Variants in EVL observed in about 807,000 individuals in gnomAD.
EVL encodes the protein Enah/Vasp-like, also known as ena/VASP-like protein.
EVL carries 21 observed loss-of-function variants against 59.6 expected under a neutral mutation model. That is an observed-to-expected ratio of 0.35 (90% CI 0.25 to 0.51). EVL has a LOEUF of 0.51. EVL is among the 20% of genes least tolerant of loss of function. The pLI, the probability that EVL is intolerant of heterozygous loss-of-function variation, is 0.97. For missense variants in EVL, 462 were observed against 546.6 expected, an observed-to-expected ratio of 0.85 and a Z score of 1.54; for synonymous variants, 198 against 203.5, an observed-to-expected ratio of 0.97 and a Z score of 0.23.
intron 3 of EVL, among the ~76,000 whole-genome samples, chr14:100,102,982 G>T (rs949915017): frequency 1.3e-5 from 2 of 151,628 alleles, no homozygotes; most frequent in African/African-American, 4.8e-5. Context: ...TGCACCTCTA[G>T]TCCCAGCTAC....
intron 1 of EVL, among the ~76,000 whole-genome samples, chr14:100,047,829 C>T (rs992906312): frequency 2.0e-5 from 3 of 152,088 alleles, no homozygotes; most frequent in African/African-American, 7.2e-5. Flanking sequence ...ACAAAAATGC[C>T]AAGTGATGTT....
intron 1 of EVL, among the ~76,000 whole-genome samples, chr14:100,032,263 A>T (rs1280285253): frequency 1.3e-5 from 2 of 152,128 alleles, no homozygotes; most frequent in Non-Finnish European, 2.9e-5. Context: ...TTTATTCTCC[A>T]CCTTTTTGGG....
chr14:100,135,695 C>A, intron 8 of EVL: 1 of 541,808 alleles, frequency 1.8e-6, no homozygotes, highest in South Asian at 2.1e-5. Context: ...CTGTAGCCTT[C>A]CCCTTCCCCA....
chr14:100,000,109 A>G (rs1178661095), intron 1 of EVL, among the ~76,000 whole-genome samples: 1 of 152,202 alleles, frequency 6.6e-6, no homozygotes, highest in Non-Finnish European at 1.5e-5. Flanking sequence ...TAATTTAGAA[A>G]GTTTGTTTTG....
Position 100,141,793 on chromosome 14 carries a change from G to T in EVL, c.1219G>T (p.Ala407Ser). ...CAAGGTGAAGGAGGAGATCATCGAC[G>T]GTGAGTGCAGCCCCACCGGGGAGGG... ...LHKVKEEIID[A>S]IRQELSGIST... is the part of the protein sequence containing the mutation. The change falls in exon 13 of 14, where the codon GCC becomes TCC. Residue 407 changes from alanine to serine, a missense_variant and splice_region_variant. Transcript: ENST00000392920. 6.2e-7 allele frequency: 1 copy of T among 1,612,946 alleles called. No individual in the cohort carries two copies. Among genetic ancestry groups the T allele is most frequent in the African/African-American group, 1.3e-5 (1 of 75,070 alleles).
In EVL at chr14:100,043,405, G is replaced by A. The variant is rs370517684; in HGVS notation, c.6-41282G>A. On this transcript the variant is annotated intron_variant, in intron 1 of 13. Coordinates refer to the EVL transcript ENST00000402714. Reference sequence around the variant, plus strand: ...AAGTCCTACGATAGACCGTCTGCACGCTGGAGACCCAGGGAAGCAAGTATT... The same window carrying A: ...AAGTCCTACGATAGACCGTCTGCACACTGGAGACCCAGGGAAGCAAGTATT... 1.6e-4 allele frequency among the ~76,000 whole-genome samples: 24 copies of A among 149,764 alleles called. No individual in the cohort carries two copies. The East Asian group carries it at 2.0e-3, about 12-fold the overall frequency.
chr14:100,101,591 C>T (rs998805916), intron 3 of EVL, among the ~76,000 whole-genome samples: 16 of 152,022 alleles, frequency 1.1e-4, no homozygotes, highest in Non-Finnish European at 1.6e-4. Flanking sequence ...TGCAGTAAGC[C>T]GAGATTGTAC....
At chr14:100,141,030 C>T in intron 11 of EVL, 150 bp from the exon 12 acceptor site, 1 of 635,306 alleles carries the variant, frequency 1.6e-6, no homozygotes, top group Non-Finnish European at 2.7e-6. Context: ...AAATCCTTCT[C>T]AGGCAGTCTG....
At chr14:99,984,540 A>G (rs1050361172) in intron 1 of EVL, among the ~76,000 whole-genome samples, 5 of 152,204 alleles carry the variant, frequency 3.3e-5, no homozygotes, top group African/African-American at 9.7e-5. Context: ...GAGAGTTCCT[A>G]TACACCTCCT....
At chr14:100,049,263 CAT>C (rs1191165071) in intron 1 of EVL, among the ~76,000 whole-genome samples, 1 of 152,108 alleles carries the variant, frequency 6.6e-6, no homozygotes, top group African/African-American at 2.4e-5. Context: ...GGTTTGGAAA[CAT>C]ATAGCTTGGG....
chr14:99,979,775 AGGAGAAT>A (rs2060794796), intron 1 of EVL, among the ~76,000 whole-genome samples: 1 of 152,208 alleles, frequency 6.6e-6, no homozygotes, highest in Non-Finnish European at 1.5e-5. Flanking sequence ...AGGCTGAGGC[AGGAGAAT>A]GGTGCGAACC....
At chr14:100,018,007 T>C (rs937762377) in intron 1 of EVL, among the ~76,000 whole-genome samples, 3 of 152,258 alleles carry the variant, frequency 2.0e-5, no homozygotes, top group Non-Finnish European at 4.4e-5. Flanking sequence ...TTCTCCCTGA[T>C]AAAAGCTGAG....
rs561988840 is a variant in EVL, at chr14:100,035,272, T to G, written c.6-49415T>G. Among the ~76,000 whole-genome samples the G allele has an allele frequency of 4.2e-5, 5 of 119,810 alleles. No homozygotes were observed. The East Asian group carries it at 8.1e-4, about 19-fold the overall frequency. 78.6% of individuals were successfully genotyped at this position (119,810 alleles called of 152,430 possible). On this transcript the variant is annotated intron_variant, in intron 1 of 13. Transcript: ENST00000402714. ...GACTGTTAAGGCAGTTTATTATGTG[T>G]TTTTTTTGGCAACAACAAATGTTTT...
Position 100,128,586 on chromosome 14 carries a change from A to AC in EVL, c.557dup (p.Pro187AlafsTer111). On this transcript the variant is annotated frameshift_variant, in exon 6 of 14. Transcript: ENST00000392920. LOFTEE classifies it high-confidence loss of function. ...CCCCCGTCTCATGTAGTGGGCCTCC[A>AC]CCGCCCCCCCCACCCCCAGTCCCAC... 15 of 1,040,968 alleles carry AC rather than the reference A, an allele frequency of 1.4e-5. No individual in the cohort carries two copies. Among genetic ancestry groups the AC allele is most frequent in the Non-Finnish European group, 1.9e-5 (14 of 726,426 alleles). 64.5% of individuals were successfully genotyped at this position (1,040,968 alleles called of 1,614,324 possible). A position where few individuals can be genotyped will look rare whatever the true frequency, so the allele number is the denominator to read the frequency against.
Position 100,114,683 on chromosome 14 carries a change from C to T in EVL, c.359-8856C>T, listed in dbSNP as rs938676945. The T allele has an allele frequency of 2.6e-5, 4 of 151,998 alleles. No individual in the cohort carries two copies. The highest frequency in any genetic ancestry group is 7.2e-5 in the African/African-American group (3 of 41,432). 9.4% of individuals were successfully genotyped at this position (151,998 alleles called of 1,614,324 possible). On this transcript the variant is annotated intron_variant, in intron 3 of 13. Coordinates refer to ENST00000392920, the MANE Select transcript of EVL (RefSeq NM_016337.3). This position sits in a 1 kb window ranked among gnomAD's most constrained non-coding sequence, Gnocchi z 5.0. ...GGGAGTGGGCCTTCCACTGCTTTTG[C>T]TTCTGCCACTGGGACTGCACCGTGC...
At chr14:100,074,876 A>G (rs2062128459) in intron 1 of EVL, 1 of 152,850 alleles carries the variant, frequency 6.5e-6, no homozygotes, top group Admixed American at 6.5e-5. Flanking sequence ...CAAGAGCAGA[A>G]TGGCGAGGCT....
intron 1 of EVL, among the ~76,000 whole-genome samples, chr14:99,994,116 T>G (rs2060895777): frequency 1.4e-5 from 2 of 139,854 alleles, no homozygotes; most frequent in Non-Finnish European, 3.1e-5. Context: ...TTTTGGCTTT[T>G]TTTTTTTTTT....
intron 3 of EVL, among the ~76,000 whole-genome samples, chr14:100,121,536 A>G (rs1417798760): frequency 1.3e-5 from 2 of 152,216 alleles, no homozygotes; most frequent in Non-Finnish European, 2.9e-5. Flanking sequence ...AATCAGTGCA[A>G]TCAAGTGTTA....
intron 1 of EVL, among the ~76,000 whole-genome samples, chr14:100,076,499 A>G (rs2062164024): frequency 6.6e-6 from 1 of 152,230 alleles, no homozygotes; most frequent in Admixed American, 6.5e-5. Flanking sequence ...ACATTGCTGC[A>G]GTAAGTGCTG....
Sources: gnomAD v4.1 joint callset for allele counts (sites outside exome capture counted in the v4.1 genomes callset) on GRCh38, gnomAD v4.1.1 for gene constraint, Gnocchi (gnomAD v3.1) non-coding constraint, MANE v1.5 for transcripts, NCBI Gene and HGNC (gene_info 2026-07-23, HGNC 2026-07-21) for gene names.